Variants in DLG2 observed in about 807,000 individuals in gnomAD.
DLG2 encodes the protein discs large MAGUK scaffold protein 2, also known as disks large homolog 2.
Under a neutral mutation model 132.5 loss-of-function variants are expected in DLG2, and 45 were observed. The ratio of observed to expected loss-of-function variants is 0.34; its 90% CI spans 0.27 to 0.44. The LOEUF is 0.44. Among genes scored for constraint, DLG2 ranks in the 20% least tolerant of loss-of-function variants. The pLI is 1.00. For missense variants in DLG2, 1,045 were observed against 1,196.9 expected, an observed-to-expected ratio of 0.87 and a Z score of 1.87; for synonymous variants, 424 against 419.6, an observed-to-expected ratio of 1.01 and a Z score of -0.13.
intron 7 of DLG2, among the ~76,000 whole-genome samples, chr11:84,528,915 C>T (rs1422415016): frequency 2.0e-5 from 3 of 152,160 alleles, no homozygotes; most frequent in African/African-American, 7.2e-5. Flanking sequence ...TATCACAGTA[C>T]TGTGCTGGAG....
At chr11:84,926,540 G>C (rs941767195) in intron 6 of DLG2, among the ~76,000 whole-genome samples, 2 of 152,018 alleles carry the variant, frequency 1.3e-5, no homozygotes, top group Non-Finnish European at 2.9e-5. Flanking sequence ...GATATTGTGT[G>C]AGGCTATTTG....
At chr11:85,339,185 T>A (rs1048169737) in intron 3 of DLG2, among the ~76,000 whole-genome samples, 4 of 152,208 alleles carry the variant, frequency 2.6e-5, no homozygotes, top group Non-Finnish European at 5.9e-5. Flanking sequence ...TCTGTACAGA[T>A]CTTCCTTATT....
intron 3 of DLG2, among the ~76,000 whole-genome samples, chr11:85,434,600 T>C (rs2091377235): frequency 6.6e-6 from 1 of 152,110 alleles, no homozygotes; most frequent in South Asian, 2.1e-4. Flanking sequence ...CCTGGACACA[T>C]ATACCCTCCC....
At chr11:84,178,391 C>A (rs1267531974) in intron 8 of DLG2, among the ~76,000 whole-genome samples, 2 of 152,050 alleles carry the variant, frequency 1.3e-5, no homozygotes, top group African/African-American at 4.8e-5. Context: ...CCTATATTTC[C>A]ATGGAAGACT....
chr11:84,810,406 G>A (rs1281376389), intron 6 of DLG2, among the ~76,000 whole-genome samples: 1 of 152,062 alleles, frequency 6.6e-6, no homozygotes, highest in East Asian at 1.9e-4. Flanking sequence ...ACAGTAATTA[G>A]ACACTAAGGA....
intron 3 of DLG2, among the ~76,000 whole-genome samples, chr11:85,559,791 CAGAT>C (rs1018882184): frequency 1.2e-4 from 18 of 147,794 alleles, no homozygotes; most frequent in African/African-American, 4.2e-4. Context: ...TACACACACA[CAGAT>C]AGATGGTGAT....
chr11:85,062,143 T>C (rs1268258594), intron 6 of DLG2, among the ~76,000 whole-genome samples: 1 of 151,840 alleles, frequency 6.6e-6, no homozygotes, highest in Non-Finnish European at 1.5e-5. Flanking sequence ...TTATCTGAAA[T>C]TGAACAGAGC....
chr11:84,849,315 C>T (rs1321073251), intron 6 of DLG2, among the ~76,000 whole-genome samples: 1 of 152,138 alleles, frequency 6.6e-6, no homozygotes, highest in East Asian at 1.9e-4. Flanking sequence ...AAACGTGAAA[C>T]AGCATGTCAA....
intron 3 of DLG2, among the ~76,000 whole-genome samples, chr11:85,497,733 G>A (rs1006299110): frequency 6.6e-6 from 1 of 152,116 alleles, no homozygotes; most frequent in African/African-American, 2.4e-5. Context: ...CTGATCTCTC[G>A]GCAGAAACCC....
chr11:85,523,466 C>A (rs1451361390), intron 3 of DLG2, among the ~76,000 whole-genome samples: 1 of 152,066 alleles, frequency 6.6e-6, no homozygotes, highest in Non-Finnish European at 1.5e-5. Context: ...AATAGGCAAA[C>A]AAGTACATGA....
intron 4 of DLG2, among the ~76,000 whole-genome samples, chr11:85,202,743 A>C (rs1432081633): frequency 1.3e-5 from 2 of 152,108 alleles, no homozygotes; most frequent in Non-Finnish European, 2.9e-5. Context: ...AAAAAGAAGA[A>C]ATTTAGAAAC....
At chr11:84,400,882 T>G (rs896080240) in intron 7 of DLG2, among the ~76,000 whole-genome samples, 4 of 152,168 alleles carry the variant, frequency 2.6e-5, no homozygotes, top group Admixed American at 2.6e-4. Flanking sequence ...TCTGAATTAC[T>G]AACTTTCCCT....
At chr11:83,787,893 G>A (rs1428015474) in intron 17 of DLG2, among the ~76,000 whole-genome samples, 2 of 152,172 alleles carry the variant, frequency 1.3e-5, no homozygotes, top group Non-Finnish European at 2.9e-5. Flanking sequence ...ATTAATAAGT[G>A]CTCTCCAATG....
At chr11:85,542,396 TA>T (rs2076029888) in intron 3 of DLG2, among the ~76,000 whole-genome samples, 1 of 152,202 alleles carries the variant, frequency 6.6e-6, no homozygotes. Flanking sequence ...TGCATTTGAT[TA>T]ATCTGGGAAT....
intron 6 of DLG2, among the ~76,000 whole-genome samples, chr11:84,756,630 A>G (rs1401076833): frequency 6.6e-6 from 1 of 151,618 alleles, no homozygotes; most frequent in East Asian, 1.9e-4. Flanking sequence ...TAGTATACAC[A>G]AAGTGGATAC....
At chr11:83,814,612 G>A (rs1042499331) in intron 17 of DLG2, 1 of 161,398 alleles carries the variant, frequency 6.2e-6, no homozygotes, top group Non-Finnish European at 1.4e-5. Flanking sequence ...ATTCCATAGA[G>A]GCCCTTAATT....
intron 7 of DLG2, among the ~76,000 whole-genome samples, chr11:84,335,221 A>G (rs1458608822): frequency 1.3e-5 from 2 of 149,492 alleles, no homozygotes; most frequent in African/African-American, 4.9e-5. Context: ...GAATGAAGGA[A>G]GGGAAGGAAT....
chr11:84,042,184 T>A (rs1442241083), intron 11 of DLG2, among the ~76,000 whole-genome samples: 2 of 151,944 alleles, frequency 1.3e-5, no homozygotes, highest in Non-Finnish European at 2.9e-5. Flanking sequence ...ATATAACTTA[T>A]TGAACAATCC....
At position 84,692,851 on chromosome 11, in the gene DLG2, A is replaced by G. The variant is rs940673727; in HGVS notation, c.358-158120T>C. Among the ~76,000 whole-genome samples, 33 of 151,752 alleles carry G rather than the reference A, an allele frequency of 2.2e-4. 1 individual carries two copies. Among genetic ancestry groups the G allele is most frequent in the African/African-American group, 6.8e-4 (28 of 41,366 alleles). On this transcript the variant is annotated intron_variant, in intron 6 of 27. Coordinates refer to ENST00000376104, the MANE Select transcript of DLG2 (RefSeq NM_001142699.3). ...AATTATAATAGTTAACATTTATTGA[A>G]GACTTATCATTTGCCAGGTACTAAG...
Sources: gnomAD v4.1 joint callset for allele counts (sites outside exome capture counted in the v4.1 genomes callset) on GRCh38, gnomAD v4.1.1 for gene constraint, MANE v1.5 for transcripts, NCBI Gene and HGNC (gene_info 2026-07-23, HGNC 2026-07-21) for gene names.